The following CACNG8 variants were observed in gnomAD, a reference collection of about 807,000 sequenced individuals.
CACNG8 encodes the protein voltage-dependent calcium channel gamma-8 subunit.
Under a neutral mutation model 26.9 loss-of-function variants are expected in CACNG8, and 5 were observed. The ratio of observed to expected loss-of-function variants is 0.19; its 90% CI spans 0.10 to 0.39. The LOEUF (loss-of-function observed/expected upper bound fraction) is 0.39, where lower values mean the gene tolerates loss of function less well. CACNG8 is among the 10% of genes least tolerant of loss of function. The pLI is 1.00. For missense variants in CACNG8, 473 were observed against 609.4 expected (o/e 0.78, Z 2.36); for synonymous variants, 321 against 296.7 (o/e 1.08, Z -0.84).
chr19:53,978,997 A>AGGGG (rs1555815380), intron 2 of CACNG8, among the ~76,000 whole-genome samples: 7 of 3,458 alleles, frequency 2.0e-3, no homozygotes, highest in East Asian at 7.9e-3. Flanking sequence ...AGGCGAAAAA[A>AGGGG]GGGGTGGGGT....
At chr19:53,980,471 G>A (rs2069359696) in intron 3 of CACNG8, among the ~76,000 whole-genome samples, 1 of 152,112 alleles carries the variant, frequency 6.6e-6, no homozygotes, top group South Asian at 2.1e-4. Context: ...GCGGGCCTTT[G>A]GAGACTTTGG....
chr19:53,979,015 G>A (rs2069347623), intron 2 of CACNG8, among the ~76,000 whole-genome samples: 1 of 137,576 alleles, frequency 7.3e-6, no homozygotes, highest in African/African-American at 2.7e-5. Flanking sequence ...GGTGGGGTGG[G>A]GTGGGGAAAG....
rs958940231 is a variant in CACNG8 at position 53,983,188 on chromosome 19, G to T, written c.*339G>T. ...CATGGGGGGCGGGGCGGGGGGAGGG[G>T]AGGGAGGGACTCCCAGCCCAGCCCA... On this transcript the variant is annotated 3_prime_UTR_variant, in exon 4 of 4. Transcript: ENST00000270458. 2 of 137,288 alleles carry T rather than the reference G, an allele frequency of 1.5e-5. No individual in the cohort carries two copies. The highest frequency in any genetic ancestry group is 5.2e-5 in the African/African-American group (2 of 38,186). The allele number at this position is 137,288 out of a possible 1,614,324, so 8.5% of individuals were successfully genotyped here.
intron 1 of CACNG8, among the ~76,000 whole-genome samples, chr19:53,975,974 G>A (rs1410984983): frequency 6.6e-6 from 1 of 152,200 alleles, no homozygotes; most frequent in African/African-American, 2.4e-5. Context: ...CCATGAGGTA[G>A]GTCCTGTTCT....
At chr19:53,971,662 C>T (rs1335167072) in intron 1 of CACNG8, among the ~76,000 whole-genome samples, 1 of 152,194 alleles carries the variant, frequency 6.6e-6, no homozygotes, top group Non-Finnish European at 1.5e-5. Context: ...ATACAGAGCC[C>T]CTTTGCTAGC....
chr19:53,975,951 C>T (rs1475264072), intron 1 of CACNG8, among the ~76,000 whole-genome samples: 1 of 152,164 alleles, frequency 6.6e-6, no homozygotes, highest in Non-Finnish European at 1.5e-5. Context: ...AGACCCAATC[C>T]CTCATATCAG....
At position 53,963,324 on chromosome 19, in the gene CACNG8, G is replaced by GCGA. The variant is rs2069253615; in HGVS notation, c.188_190dup (p.Asp63dup). Reference sequence around the variant, plus strand: ...AACACCACCAACCTCACGGCCGGCGGCGACGACGGGACCCCCCACCGCGGG... The same window carrying GCGA: ...AACACCACCAACCTCACGGCCGGCGGCGACGACGACGGGACCCCCCACCGCGGG... On this transcript the variant is annotated inframe_insertion, in exon 1 of 4. Transcript: ENST00000270458. 6.2e-7 allele frequency: 1 copy of GCGA among 1,602,500 alleles called. No individual in the cohort carries two copies. Among genetic ancestry groups the GCGA allele is most frequent in the Non-Finnish European group, 8.5e-7 (1 of 1,178,110 alleles).
chr19:53,981,136 G>C (rs1335127855), intron 3 of CACNG8, among the ~76,000 whole-genome samples: 1 of 152,176 alleles, frequency 6.6e-6, no homozygotes, highest in Non-Finnish European at 1.5e-5. Context: ...GCCTAGAATG[G>C]ATACTCCGGC....
In CACNG8 at chr19:53,982,831, GA is replaced by G. The variant is rs1307781397; in HGVS notation, c.1264del (p.Thr422ProfsTer38). On this transcript the variant is annotated frameshift_variant, in exon 4 of 4. Coordinates refer to ENST00000270458, the MANE Select transcript of CACNG8 (RefSeq NM_031895.6). LOFTEE classifies it high-confidence loss of function. This position sits in a 1 kb window ranked among gnomAD's most constrained non-coding sequence, Gnocchi z 8.4. ...CCTCCAACACCAACACGCTCAACAG[GA>G]AAACCACGCCTGTGTAGGGGCGCGG... 4 of 1,374,622 alleles carry G rather than the reference GA, an allele frequency of 2.9e-6. No homozygotes were observed. The highest frequency in any genetic ancestry group is 1.5e-5 in the South Asian group (1 of 68,764). 85.2% of individuals were successfully genotyped at this position (1,374,622 alleles called of 1,614,324 possible).
At chr19:53,977,905 G>A (rs2069339428) in intron 1 of CACNG8, among the ~76,000 whole-genome samples, 1 of 152,216 alleles carries the variant, frequency 6.6e-6, no homozygotes, top group African/African-American at 2.4e-5. Flanking sequence ...CTGCAAGGAT[G>A]TTAGACTTTG....
At position 53,982,025 on chromosome 19, in the gene CACNG8, GCGGGGGCGGGGC is replaced by G; in HGVS notation, c.509-48_509-37del. 3 of 1,500,900 alleles carry G rather than the reference GCGGGGGCGGGGC, an allele frequency of 2.0e-6. No homozygotes were observed. Among genetic ancestry groups the G allele is most frequent in the Non-Finnish European group, 2.7e-6 (3 of 1,130,210 alleles). The allele number at this position is 1,500,900 out of a possible 1,614,324, so 93.0% of individuals were successfully genotyped here. A position where few individuals can be genotyped will look rare whatever the true frequency, so the allele number is the denominator to read the frequency against. On this transcript the variant is annotated intron_variant, in intron 3 of 3. Coordinates refer to ENST00000270458, the MANE Select transcript of CACNG8 (RefSeq NM_031895.6). The surrounding 1 kb of genome is among the most constrained non-coding windows in gnomAD (Gnocchi z 8.4). Reference sequence around the variant, plus strand: ...AGGCGGGCAGGGGTCGGGGCCGGGGGCGGGGGCGGGGCCGGGGGTGGCCTCGAGGCTCCCGTC... The same window carrying G: ...AGGCGGGCAGGGGTCGGGGCCGGGGGCGGGGGTGGCCTCGAGGCTCCCGTC...
intron 1 of CACNG8, among the ~76,000 whole-genome samples, chr19:53,977,752 C>G (rs1329873723): frequency 6.6e-6 from 1 of 152,108 alleles, no homozygotes; most frequent in Non-Finnish European, 1.5e-5. Flanking sequence ...GACTTTTCAA[C>G]CAATTGAGAG....
At chr19:53,978,352 C>T in intron 2 of CACNG8, 123 bp downstream of exon 2, 1 of 694,292 alleles carries the variant, frequency 1.4e-6, no homozygotes, top group Non-Finnish European at 2.5e-6. Context: ...CCGAGGTTAG[C>T]CTCCCAGCCA....
At position 53,988,387 on chromosome 19, in the gene CACNG8, G is replaced by A. The variant is rs2069420458; in HGVS notation, c.*5538G>A. On this transcript the variant is annotated 3_prime_UTR_variant, in exon 4 of 4. Coordinates refer to ENST00000270458, the MANE Select transcript of CACNG8 (RefSeq NM_031895.6). ...GGCCGAAGTGGGTGGATCACTTGAG[G>A]TCAGGAGTTCGAGACCAGCCTGGCC... is the stretch of plus-strand genomic sequence containing the variant. The A allele has an allele frequency of 6.6e-6, 1 of 151,810 alleles. No homozygotes were observed. The highest frequency in any genetic ancestry group is 1.5e-5 in the Non-Finnish European group (1 of 68,040). 9.4% of individuals were successfully genotyped at this position (151,810 alleles called of 1,614,324 possible).
chr19:53,970,049 G>T (rs2069293269), intron 1 of CACNG8, among the ~76,000 whole-genome samples: 1 of 152,222 alleles, frequency 6.6e-6, no homozygotes, highest in Non-Finnish European at 1.5e-5. Context: ...GGGCGCGGTG[G>T]CTCATGCCTG....
rs878927192 is a variant in CACNG8 at position 53,963,306 on chromosome 19, C to G, written c.164C>G (p.Thr55Ser). Reference sequence around the variant, plus strand: ...ACGCGCGCCCTCATCTGCAACACCACCAACCTCACGGCCGGCGGCGACGAC... The same window carrying G: ...ACGCGCGCCCTCATCTGCAACACCAGCAACCTCACGGCCGGCGGCGACGAC... Residue 55 changes from threonine to serine, a missense_variant, in exon 1 of 4, where the codon ACC becomes AGC. Transcript: ENST00000270458. 6.2e-7 allele frequency: 1 copy of G among 1,607,348 alleles called. No homozygotes were observed. Among genetic ancestry groups the G allele is most frequent in the African/African-American group, 1.3e-5 (1 of 74,736 alleles).
chr19:53,969,770 A>AGACGGGCTCCGAG (rs1188609533), intron 1 of CACNG8, among the ~76,000 whole-genome samples: 2 of 152,140 alleles, frequency 1.3e-5, no homozygotes, highest in Non-Finnish European at 2.9e-5. Context: ...GAATGTAATG[A>AGACGGGCTCCGAG]CTGAAACAAG....
In CACNG8 at chr19:53,982,124, G is replaced by T; in HGVS notation, c.553G>T (p.Ala185Ser). ...CGTGATCGTGTACATCTCCGCCAAC[G>T]CGGGCGAGCCGGGCCCGAAGCGGGA... The change falls in exon 4 of 4, where the codon GCG (alanine) becomes TCG (serine). Residue 185 changes from alanine (A) to serine (S), a missense_variant. This residue lies in a region of CACNG8 where 155 missense variants were observed against 253.0 expected (regional missense o/e 0.61). Transcript: ENST00000270458. The surrounding 1 kb of genome is among the most constrained non-coding windows in gnomAD (Gnocchi z 8.4). The T allele has an allele frequency of 6.2e-7, 1 of 1,608,378 alleles. No individual in the cohort carries two copies. The highest frequency in any genetic ancestry group is 8.5e-7 in the Non-Finnish European group (1 of 1,177,498).
chr19:53,966,173 G>A (rs111905867), intron 1 of CACNG8, among the ~76,000 whole-genome samples: 1 of 151,858 alleles, frequency 6.6e-6, no homozygotes, highest in Non-Finnish European at 1.5e-5. Flanking sequence ...CTGCAACTTC[G>A]GCCTCCTGGG....
Sources: gnomAD v4.1 joint callset for allele counts (sites outside exome capture counted in the v4.1 genomes callset) on GRCh38, gnomAD v4.1.1 for gene constraint, gnomAD v4.1.1 regional missense constraint, Gnocchi (gnomAD v3.1) non-coding constraint, MANE v1.5 for transcripts, NCBI Gene and HGNC (gene_info 2026-07-23, HGNC 2026-07-21) for gene names.